Variants in LRRC4C observed in about 807,000 individuals in gnomAD.
LRRC4C encodes the protein leucine rich repeat containing 4C.
Under a neutral mutation model 33.6 loss-of-function variants are expected in LRRC4C, and 5 were observed. That is an observed-to-expected ratio of 0.15 (90% CI 0.08 to 0.31). The LOEUF is 0.31. Ranked by LOEUF, LRRC4C falls within the 10% of genes least tolerant of loss-of-function variation. The pLI is 1.00. For synonymous variants in LRRC4C, 329 were observed against 302.0 expected (o/e 1.09, Z -0.93); for missense variants, 560 against 796.7 (o/e 0.70, Z 3.58).
intron 3 of LRRC4C, among the ~76,000 whole-genome samples, chr11:40,505,941 G>C (rs948998235): frequency 1.3e-5 from 2 of 151,956 alleles, no homozygotes; most frequent in African/African-American, 4.8e-5. Context: ...TGGAAATGTA[G>C]CCTTAGAATT....
chr11:41,344,883 G>T (rs1951754978), intron 1 of LRRC4C, among the ~76,000 whole-genome samples: 1 of 152,184 alleles, frequency 6.6e-6, no homozygotes, highest in African/African-American at 2.4e-5. Context: ...CAAGTGGAGG[G>T]GAGGAATATT....
intron 3 of LRRC4C, among the ~76,000 whole-genome samples, chr11:40,615,253 T>TATATATATATATATATATAA (rs914584100): frequency 6.4e-5 from 6 of 93,090 alleles, no homozygotes; most frequent in African/African-American, 2.0e-4. Context: ...TATATATATA[T>TATATATATATATATATATAA]ATATATATAT....
intron 2 of LRRC4C, among the ~76,000 whole-genome samples, chr11:40,849,728 T>G (rs1330392681): frequency 1.3e-5 from 2 of 152,082 alleles, no homozygotes; most frequent in Admixed American, 1.3e-4. Context: ...TCCTTAATTG[T>G]GTTTTCCAAC....
At chr11:41,100,385 G>T (rs1438492063) in intron 1 of LRRC4C, among the ~76,000 whole-genome samples, 1 of 151,970 alleles carries the variant, frequency 6.6e-6, no homozygotes, top group African/African-American at 2.4e-5. Flanking sequence ...GGCCAATATA[G>T]TGAAACCCTG....
chr11:40,987,750 T>C (rs892025703), intron 1 of LRRC4C, among the ~76,000 whole-genome samples: 2 of 150,186 alleles, frequency 1.3e-5, no homozygotes, highest in Admixed American at 6.7e-5. Context: ...AATCGTGGTC[T>C]CTTTTGCAGA....
At chr11:40,636,795 T>A (rs573490954) in intron 3 of LRRC4C, among the ~76,000 whole-genome samples, 2 of 152,312 alleles carry the variant, frequency 1.3e-5, no homozygotes, top group African/African-American at 4.8e-5. Flanking sequence ...TCCACAGTCA[T>A]TTCTGGGAAT....
chr11:40,764,843 C>T (rs371303231), intron 2 of LRRC4C, among the ~76,000 whole-genome samples: 2 of 152,304 alleles, frequency 1.3e-5, no homozygotes, highest in Non-Finnish European at 2.9e-5. Flanking sequence ...CAAGGCAGTA[C>T]GTCTACAAGT....
intron 2 of LRRC4C, among the ~76,000 whole-genome samples, chr11:40,766,991 T>C (rs1019275938): frequency 1.2e-4 from 18 of 150,642 alleles, no homozygotes; most frequent in African/African-American, 3.9e-4. Flanking sequence ...TGAATGTAAA[T>C]GGACTAAACT....
At chr11:41,306,483 G>A (rs1475540498) in intron 1 of LRRC4C, among the ~76,000 whole-genome samples, 1 of 152,196 alleles carries the variant, frequency 6.6e-6, no homozygotes, top group Non-Finnish European at 1.5e-5. Context: ...GGCAGTCTGT[G>A]AATTAGTCAT....
chr11:41,255,903 A>G (rs568868734), intron 1 of LRRC4C, among the ~76,000 whole-genome samples: 4 of 152,088 alleles, frequency 2.6e-5, no homozygotes, highest in South Asian at 2.1e-4. Context: ...CAGGTAGTCA[A>G]TACAACTTCT....
intron 3 of LRRC4C, among the ~76,000 whole-genome samples, chr11:40,476,998 T>C (rs1053025910): frequency 6.6e-6 from 1 of 152,196 alleles, no homozygotes; most frequent in Non-Finnish European, 1.5e-5. Flanking sequence ...TCCTTTTTCA[T>C]CTCTTTCCTT....
intron 2 of LRRC4C, among the ~76,000 whole-genome samples, chr11:40,677,613 T>C (rs996528840): frequency 6.6e-6 from 1 of 152,184 alleles, no homozygotes; most frequent in Non-Finnish European, 1.5e-5. Context: ...AAGTGAAATA[T>C]GGATTATTGC....
intron 3 of LRRC4C, among the ~76,000 whole-genome samples, chr11:40,495,002 TA>T (rs1173563208): frequency 6.6e-6 from 1 of 152,184 alleles, no homozygotes; most frequent in African/African-American, 2.4e-5. Flanking sequence ...AATGTACACA[TA>T]AAGTTCAGCA....
At chr11:41,142,684 T>C (rs890344197) in intron 1 of LRRC4C, among the ~76,000 whole-genome samples, 39 of 151,832 alleles carry the variant, frequency 2.6e-4, no homozygotes, top group African/African-American at 8.7e-4. Context: ...AACTCTAGAT[T>C]ACCTCTGATA....
chr11:40,119,861 C>G (rs1343526280), intron 6 of LRRC4C, among the ~76,000 whole-genome samples: 1 of 152,120 alleles, frequency 6.6e-6, no homozygotes, highest in Non-Finnish European at 1.5e-5. Context: ...TCCCAGGACT[C>G]TTAACACTCA....
At chr11:40,321,354 ATTTG>A (rs1283370705) in intron 3 of LRRC4C, among the ~76,000 whole-genome samples, 1 of 152,208 alleles carries the variant, frequency 6.6e-6, no homozygotes, top group Non-Finnish European at 1.5e-5. Context: ...GGCATATCAG[ATTTG>A]TTTGCTACTA....
At chr11:40,174,879 C>T (rs546782319) in intron 5 of LRRC4C, among the ~76,000 whole-genome samples, 8 of 152,202 alleles carry the variant, frequency 5.3e-5, no homozygotes, top group Non-Finnish European at 1.2e-4. Flanking sequence ...GAGGGAACTG[C>T]GGTCACATGC....
intron 1 of LRRC4C, among the ~76,000 whole-genome samples, chr11:41,183,510 T>C (rs1945548193): frequency 6.6e-6 from 1 of 152,114 alleles, no homozygotes; most frequent in Non-Finnish European, 1.5e-5. Flanking sequence ...CTCCTTTGAC[T>C]CCATGTCTCA....
chr11:41,242,154 G>A (rs1033078280), intron 1 of LRRC4C, among the ~76,000 whole-genome samples: 16 of 151,970 alleles, frequency 1.1e-4, no homozygotes, highest in Admixed American at 9.8e-4. Context: ...CTTTTAGGCT[G>A]ATACAGTACT....
Sources: allele counts gnomAD v4.1 joint callset (sites outside exome capture counted in the v4.1 genomes callset), GRCh38; gene constraint gnomAD v4.1.1; transcripts MANE v1.5; gene names NCBI Gene and HGNC (gene_info 2026-07-23, HGNC 2026-07-21).